Variants in SGCD observed in about 807,000 individuals in gnomAD.
The protein encoded by SGCD is delta-sarcoglycan.
A neutral mutation model predicts 36.6 loss-of-function variants in SGCD; 18 were observed. The ratio of observed to expected loss-of-function variants is 0.49; its 90% confidence interval spans 0.34 to 0.73. The LOEUF is 0.73. Among genes scored for constraint, SGCD ranks in the 30% least tolerant of loss-of-function variants. The pLI, the probability that SGCD is intolerant of heterozygous loss-of-function variation, is 0.01. For synonymous variants in SGCD, 133 were observed against 130.6 expected (o/e 1.02, Z -0.12); for missense variants, 387 against 346.7 (o/e 1.12, Z -0.92).
chr5:156,024,851 G>T (rs561475647), intron 1 of SGCD, among the ~76,000 whole-genome samples: 2 of 151,654 alleles, frequency 1.3e-5, no homozygotes, highest in East Asian at 3.9e-4. Flanking sequence ...TCAGCTACTC[G>T]GGAGGCTGAG....
At chr5:156,071,224 G>A (rs1399806314) in intron 1 of SGCD, among the ~76,000 whole-genome samples, 1 of 152,104 alleles carries the variant, frequency 6.6e-6, no homozygotes, top group African/African-American at 2.4e-5. Flanking sequence ...TGTGATGTTA[G>A]GGTGTCAATT....
chr5:155,785,776 C>G, the SGCD span, among the ~76,000 whole-genome samples: 3 of 152,132 alleles, frequency 2.0e-5, no homozygotes, highest in African/African-American at 7.2e-5. Flanking sequence ...AAATACCCTG[C>G]TAGTACTTTA....
intron 1 of SGCD, among the ~76,000 whole-genome samples, chr5:156,059,108 TA>T (rs113549059): frequency 0.073 from 9,857 of 135,906 alleles, 1,472 homozygotes; most frequent in African/African-American, 0.23. Flanking sequence ...ATTTTTTAAA[TA>T]AAAAAAAAAA....
chr5:156,506,932 A>G (rs1306540388), intron 3 of SGCD, among the ~76,000 whole-genome samples: 1 of 152,238 alleles, frequency 6.6e-6, no homozygotes, highest in African/African-American at 2.4e-5. Context: ...GAATTAGGAT[A>G]TAACCAGTTT....
intron 7 of SGCD, among the ~76,000 whole-genome samples, chr5:156,755,959 G>T (rs531017052): frequency 6.6e-6 from 1 of 152,156 alleles, no homozygotes; most frequent in Non-Finnish European, 1.5e-5. Flanking sequence ...GGGTTGCTCC[G>T]TAGTGGATCT....
At chr5:156,511,279 T>A (rs967671884) in intron 4 of SGCD, among the ~76,000 whole-genome samples, 1 of 152,186 alleles carries the variant, frequency 6.6e-6, no homozygotes, top group Non-Finnish European at 1.5e-5. Flanking sequence ...CCGTAAGTCA[T>A]GTGAGCTCTA....
rs111319438 is a variant in SGCD, at chr5:156,674,812, T to C, written c.575+27276T>C. Among the ~76,000 whole-genome samples, 528 of 152,312 alleles carry C rather than the reference T, an allele frequency of 3.5e-3. 6 individuals carry two copies. Among genetic ancestry groups the C allele is most frequent in the African/African-American group, 0.012 (495 of 41,562 alleles). On this transcript the variant is annotated intron_variant, in intron 7 of 8. Coordinates refer to ENST00000337851, the MANE Select transcript of SGCD (RefSeq NM_000337.6). The stretch of plus-strand genomic sequence containing the variant: ...CGACTCCTTTTTGTGCCTTATACTA[T>C]GGGTGTTTAGAAAACAGTTCAGATT...
At chr5:156,234,878 T>C (rs1765116438) in intron 3 of SGCD, among the ~76,000 whole-genome samples, 1 of 152,180 alleles carries the variant, frequency 6.6e-6, no homozygotes, top group Non-Finnish European at 1.5e-5. Flanking sequence ...TGTAATCATA[T>C]GATTCCATAA....
intron 7 of SGCD, among the ~76,000 whole-genome samples, chr5:156,712,133 T>C (rs557913924): frequency 6.6e-6 from 1 of 152,350 alleles, no homozygotes; most frequent in South Asian, 2.1e-4. Flanking sequence ...AAGGGCTTTG[T>C]GACCTCTATC....
the SGCD span, among the ~76,000 whole-genome samples, chr5:155,758,744 G>A: frequency 5.3e-5 from 8 of 152,102 alleles, no homozygotes; most frequent in Admixed American, 3.3e-4. Flanking sequence ...TCACCACCCC[G>A]ACCCAGCCCA....
intron 1 of SGCD, among the ~76,000 whole-genome samples, chr5:156,019,457 T>G (rs918249188): frequency 3.3e-5 from 5 of 152,226 alleles, no homozygotes; most frequent in Non-Finnish European, 2.9e-5. Flanking sequence ...ATGATCTCCC[T>G]TCCTTTCATT....
At chr5:156,144,312 C>A (rs1214270107) in intron 3 of SGCD, among the ~76,000 whole-genome samples, 3 of 152,100 alleles carry the variant, frequency 2.0e-5, no homozygotes, top group African/African-American at 7.2e-5. Context: ...GGAATCGCCA[C>A]ACTGACTTCC....
chr5:156,538,402 T>G (rs2113135646), intron 4 of SGCD, among the ~76,000 whole-genome samples: 1 of 152,220 alleles, frequency 6.6e-6, no homozygotes, highest in Non-Finnish European at 1.5e-5. Flanking sequence ...AATGATTTTT[T>G]TTCTCTCCCT....
chr5:156,052,296 T>C (rs1218080531), intron 1 of SGCD, among the ~76,000 whole-genome samples: 2 of 145,704 alleles, frequency 1.4e-5, no homozygotes, highest in East Asian at 1.9e-4. Flanking sequence ...GTGAAGAGTT[T>C]GGTGTGTTCA....
intron 7 of SGCD, among the ~76,000 whole-genome samples, chr5:156,690,848 T>G (rs1451624780): frequency 6.6e-6 from 1 of 151,642 alleles, no homozygotes; most frequent in Non-Finnish European, 1.5e-5. Flanking sequence ...TGGGAAAAAA[T>G]AGGATGACTG....
intron 1 of SGCD, among the ~76,000 whole-genome samples, chr5:156,030,544 A>G (rs1474921615): frequency 6.6e-6 from 1 of 152,228 alleles, no homozygotes; most frequent in Non-Finnish European, 1.5e-5. Flanking sequence ...CAGAACTGTG[A>G]GAAAATAAAG....
intron 3 of SGCD, among the ~76,000 whole-genome samples, chr5:156,240,269 A>G (rs1464547682): frequency 4.6e-5 from 7 of 152,208 alleles, no homozygotes; most frequent in African/African-American, 1.7e-4. Flanking sequence ...ATATTCAAAT[A>G]TAGAATAGAA....
chr5:155,971,367 G>A (rs1758003370), intron 1 of SGCD, among the ~76,000 whole-genome samples: 4 of 152,078 alleles, frequency 2.6e-5, no homozygotes. Flanking sequence ...GAATCCAGAG[G>A]AGGCGACTAA....
Position 156,424,861 on chromosome 5 carries a change from A to G in SGCD, c.192+80184A>G, listed in dbSNP as rs757029655. ...AGTGGAGTCACACTGAATGCACTTA[A>G]TTCCCTCAACAACTAAGTGTGACAA... On this transcript the variant is annotated intron_variant, in intron 3 of 8. Transcript: ENST00000337851. Among the ~76,000 whole-genome samples, 61 of 152,042 alleles carry G rather than the reference A, an allele frequency of 4.0e-4. 1 individual carries two copies. Among genetic ancestry groups the G allele is most frequent in the Non-Finnish European group, 1.5e-4 (10 of 67,982 alleles).
Sources: allele counts gnomAD v4.1 joint callset (sites outside exome capture counted in the v4.1 genomes callset), GRCh38; gene constraint gnomAD v4.1.1; transcripts MANE v1.5; gene names NCBI Gene and HGNC (gene_info 2026-07-23, HGNC 2026-07-21).